Variants in SCN10A observed in about 807,000 individuals in gnomAD.
SCN10A encodes the protein sodium voltage-gated channel alpha subunit 10.
In SCN10A, 162 loss-of-function variants were observed where a neutral mutation model predicts 170.7. That is an observed-to-expected ratio of 0.95 (90% CI 0.84 to 1.08). SCN10A has a LOEUF of 1.08. SCN10A is among the 50% of genes least tolerant of loss of function. The pLI is 0.00. For synonymous variants in SCN10A, 985 were observed against 904.6 expected (o/e 1.09, Z -1.59); for missense variants, 2,527 against 2,436.9 (o/e 1.04, Z -0.78).
At chr3:38,788,179 T>G (rs1251945824) in intron 4 of SCN10A, among the ~76,000 whole-genome samples, 1 of 144,080 alleles carries the variant, frequency 6.9e-6, no homozygotes, top group Non-Finnish European at 1.5e-5. Context: ...AAATATAACG[T>G]ATTTTCTGTT....
At chr3:38,761,053 C>T (rs1559449982) in intron 7 of SCN10A, 139 bp downstream of exon 7, 1 of 707,398 alleles carries the variant, frequency 1.4e-6, no homozygotes, top group Non-Finnish European at 2.3e-6. Context: ...TAAAACACAA[C>T]TCAAGAGAAC....
chr3:38,776,634 T>G (rs1331165322), intron 4 of SCN10A, among the ~76,000 whole-genome samples: 1 of 152,080 alleles, frequency 6.6e-6, no homozygotes, highest in Non-Finnish European at 1.5e-5. Context: ...GATTTTAAAA[T>G]TATATGTGCA....
chr3:38,723,688 T>C, intron 18 of SCN10A, 135 bp from the exon 19 acceptor site: 1 of 1,110,488 alleles, frequency 9.0e-7, no homozygotes, highest in South Asian at 1.6e-5. Context: ...CTCTTCTCCC[T>C]GGAGCCCCAG....
Position 38,739,615 on chromosome 3 carries a change from T to C in SCN10A, c.2180A>G (p.Lys727Arg), listed in dbSNP as rs779272569. ...IAFDPYYYFQ[K>R]KWNIFDCIIV... Reference sequence around the variant, plus strand: ...GATGCAGTCAAAGATATTCCACTTCTTCTGGAAATAATAGTATGGGTCGAA... The same window carrying C: ...GATGCAGTCAAAGATATTCCACTTCCTCTGGAAATAATAGTATGGGTCGAA... The change falls in exon 15 of 28, where the codon AAG becomes AGG. Residue 727 changes from lysine to arginine, a missense_variant. Physicochemically the swap from Lys to Arg is conservative, Grantham distance 26. Transcript: ENST00000449082. The C allele has an allele frequency of 1.9e-6, 3 of 1,614,114 alleles. No individual in the cohort carries two copies. The highest frequency in any genetic ancestry group is 2.5e-6 in the Non-Finnish European group (3 of 1,179,972).
intron 27 of SCN10A, among the ~76,000 whole-genome samples, chr3:38,700,039 C>T (rs1333069383): frequency 6.6e-6 from 1 of 152,122 alleles, no homozygotes; most frequent in East Asian, 1.9e-4. Context: ...ATTACTGATA[C>T]ACAAACAAGC....
chr3:38,721,848 C>A (rs940278787), intron 20 of SCN10A, among the ~76,000 whole-genome samples: 1 of 152,172 alleles, frequency 6.6e-6, no homozygotes, highest in Non-Finnish European at 1.5e-5. Flanking sequence ...GTATTGTAGG[C>A]CTTCAGAGAA....
Position 38,788,982 on chromosome 3 carries a change from G to A in SCN10A, c.444C>T (p.Thr148=). The A allele has an allele frequency of 6.2e-7, 1 of 1,610,346 alleles. No individual in the cohort carries two copies. Among genetic ancestry groups the A allele is most frequent in the Non-Finnish European group, 8.5e-7 (1 of 1,176,828 alleles). ...VTILVNCVCM[T]RTDLPEKIEY... is the part of the protein sequence containing the mutation. ...CAATTTTCTCTGGAAGGTCAGTTCG[G>A]GTCATGCACACACAATTAACCAAAA... Residue 148 remains threonine (T), a synonymous_variant, in exon 4 of 28, where the codon ACC becomes ACT. Transcript: ENST00000449082.
chr3:38,782,349 C>A (rs2064148295), intron 4 of SCN10A, among the ~76,000 whole-genome samples: 1 of 152,004 alleles, frequency 6.6e-6, no homozygotes. Context: ...TTTTATCCCC[C>A]TCTGGAGGCA....
intron 4 of SCN10A, among the ~76,000 whole-genome samples, chr3:38,772,311 A>T (rs1402355076): frequency 1.5e-5 from 2 of 132,456 alleles, no homozygotes; most frequent in Non-Finnish European, 3.2e-5. Context: ...AACCAAAGCA[A>T]CCAAACAACT....
intron 15 of SCN10A, among the ~76,000 whole-genome samples, chr3:38,737,933 T>G (rs1242027215): frequency 6.6e-6 from 1 of 151,336 alleles, no homozygotes; most frequent in Non-Finnish European, 1.5e-5. Context: ...TTTATTCCTC[T>G]CTCTCTGTGT....
At chr3:38,770,833 G>A (rs1009622523) in intron 5 of SCN10A, among the ~76,000 whole-genome samples, 2 of 152,178 alleles carry the variant, frequency 1.3e-5, no homozygotes, top group African/African-American at 2.4e-5. Context: ...GTGAGACATA[G>A]TCAGGGATGG....
intron 5 of SCN10A, 56 bp downstream of exon 5, chr3:38,771,223 C>A: frequency 6.3e-7 from 1 of 1,593,384 alleles, no homozygotes. Flanking sequence ...GTCTCCTACC[C>A]ACCATTTTGT....
chr3:38,754,990 G>A (rs1476925530), intron 11 of SCN10A, among the ~76,000 whole-genome samples: 1 of 152,090 alleles, frequency 6.6e-6, no homozygotes, highest in Non-Finnish European at 1.5e-5. Flanking sequence ...GGGGCAGGAA[G>A]GTGGTGGGAG....
chr3:38,804,687 G>A (rs1403359066), intron 1 of SCN10A, among the ~76,000 whole-genome samples: 1 of 152,098 alleles, frequency 6.6e-6, no homozygotes, highest in African/African-American at 2.4e-5. Context: ...TGAGTCCAGG[G>A]TGGATAGAAA....
At chr3:38,794,854 C>T (rs944250989) in intron 1 of SCN10A, among the ~76,000 whole-genome samples, 1 of 152,156 alleles carries the variant, frequency 6.6e-6, no homozygotes, top group Non-Finnish European at 1.5e-5. Flanking sequence ...GACCATATTT[C>T]CTAGTTCATG....
intron 1 of SCN10A, among the ~76,000 whole-genome samples, chr3:38,810,742 C>A (rs1575189294): frequency 6.6e-6 from 1 of 152,194 alleles, no homozygotes. Flanking sequence ...TGGTGCCTGG[C>A]AGCAAACAGC....
intron 26 of SCN10A, among the ~76,000 whole-genome samples, chr3:38,703,849 T>C (rs1435072645): frequency 6.6e-6 from 1 of 152,218 alleles, no homozygotes; most frequent in African/African-American, 2.4e-5. Flanking sequence ...GACTGTAAAC[T>C]GTAAGAGTAG....
At chr3:38,735,505 C>G (rs1219136603) in intron 15 of SCN10A, among the ~76,000 whole-genome samples, 2 of 152,166 alleles carry the variant, frequency 1.3e-5, no homozygotes, top group African/African-American at 4.8e-5. Flanking sequence ...CCAAATTGAC[C>G]TATCAATTAC....
chr3:38,745,349 C>A (rs73826321), intron 13 of SCN10A, among the ~76,000 whole-genome samples: 3 of 152,174 alleles, frequency 2.0e-5, no homozygotes, highest in Admixed American at 6.5e-5. Context: ...CCAGTGTCTC[C>A]ACTGTGCATT....
Sources: allele counts gnomAD v4.1 joint callset (sites outside exome capture counted in the v4.1 genomes callset), GRCh38; gene constraint gnomAD v4.1.1; transcripts MANE v1.5; gene names NCBI Gene and HGNC (gene_info 2026-07-23, HGNC 2026-07-21).